The following PAN3 variants were observed in gnomAD, a reference collection of about 807,000 sequenced individuals.
PAN3 encodes PAN2-PAN3 deadenylation complex subunit PAN3.
In PAN3, 19 loss-of-function variants were observed where a neutral mutation model predicts 96.2. That is an observed-to-expected ratio of 0.20 (90% confidence interval 0.14 to 0.29). PAN3 has a LOEUF of 0.29. Among genes scored for constraint, PAN3 ranks in the 10% least tolerant of loss-of-function variants. The probability of loss-of-function intolerance (pLI) is 1.00; values close to 1 mark genes in which losing one functional copy is unlikely to be tolerated. For missense variants in PAN3, 882 were observed against 1,108.1 expected (o/e 0.80, Z 2.90); for synonymous variants, 433 against 406.6 (o/e 1.06, Z -0.78).
intron 5 of PAN3, chr13:28,215,702 T>G: frequency 6.7e-7 from 1 of 1,489,354 alleles, no homozygotes; most frequent in Non-Finnish European, 9.1e-7. Context: ...AGTCTGGTGA[T>G]GCCGCCATTG....
At chr13:28,139,172 C>G in intron 1 of PAN3, 85 bp downstream of exon 1, 1 of 1,228,510 alleles carries the variant, frequency 8.1e-7, no homozygotes, top group South Asian at 3.7e-5. Flanking sequence ...GGGAGCTGAG[C>G]ACGGCCCGCG....
chr13:28,183,641 A>G (rs185584737), intron 4 of PAN3, among the ~76,000 whole-genome samples: 97 of 152,362 alleles, frequency 6.4e-4, no homozygotes, highest in African/African-American at 2.3e-3. Flanking sequence ...TAATTTTTCA[A>G]AGAACAAACA....
At chr13:28,262,937 G>C (rs1885856979) in intron 9 of PAN3, among the ~76,000 whole-genome samples, 1 of 152,174 alleles carries the variant, frequency 6.6e-6, no homozygotes, top group Non-Finnish European at 1.5e-5. Flanking sequence ...CTGTAGATTA[G>C]TAGAGGTTAC....
intron 1 of PAN3, among the ~76,000 whole-genome samples, chr13:28,160,336 A>G (rs1872742818): frequency 6.6e-6 from 1 of 152,246 alleles, no homozygotes; most frequent in South Asian, 2.1e-4. Flanking sequence ...TATGATAGTT[A>G]AAGGGAGTAA....
At chr13:28,168,930 A>C (rs1873928420) in intron 1 of PAN3, among the ~76,000 whole-genome samples, 2 of 151,460 alleles carry the variant, frequency 1.3e-5, no homozygotes, top group South Asian at 4.2e-4. Flanking sequence ...AGGCAGGAGA[A>C]TGGCATGAAC....
intron 6 of PAN3, among the ~76,000 whole-genome samples, chr13:28,253,011 A>T (rs1884862541): frequency 1.3e-5 from 2 of 152,188 alleles, no homozygotes; most frequent in Admixed American, 6.5e-5. Context: ...TGAAACATGA[A>T]ATTTCTAATG....
chr13:28,142,869 C>T (rs1870049726), intron 1 of PAN3, among the ~76,000 whole-genome samples: 1 of 152,152 alleles, frequency 6.6e-6, no homozygotes, highest in Non-Finnish European at 1.5e-5. Context: ...AACTGGATGA[C>T]TTTTATATCT....
chr13:28,142,277 ACTG>A (rs1869958544), intron 1 of PAN3, among the ~76,000 whole-genome samples: 2 of 152,014 alleles, frequency 1.3e-5, no homozygotes, highest in Non-Finnish European at 2.9e-5. Flanking sequence ...CATTTTTTAG[ACTG>A]CTTTCTACCT....
At chr13:28,257,895 C>T (rs1885349859) in intron 7 of PAN3, among the ~76,000 whole-genome samples, 1 of 150,854 alleles carries the variant, frequency 6.6e-6, no homozygotes. Context: ...TCACTGCAGC[C>T]TCCGCCTCCT....
chr13:28,267,381 A>T lies in PAN3; in HGVS notation c.1772A>T (p.Tyr591Phe), dbSNP rs1380447543. The T allele has an allele frequency of 1.9e-6, 3 of 1,613,366 alleles. No homozygotes were observed. In the Admixed American group the frequency reaches 5.0e-5, roughly 27 times the overall value. The change falls in exon 12 of 19, where the codon TAC becomes TTC. Residue 591 changes from tyrosine (Y) to phenylalanine (F), a missense_variant. By Grantham distance (22) the Tyr-to-Phe change is conservative. Transcript: ENST00000380958. ...RHFNDPNADA[Y>F]FTKRKWGQHE... is the part of the protein sequence containing the mutation. Reference sequence around the variant, plus strand: ...TTTAATGACCCTAATGCTGATGCCTACTTCACCAAGAGAAAGTGGGGTAAG... The same window carrying T: ...TTTAATGACCCTAATGCTGATGCCTTCTTCACCAAGAGAAAGTGGGGTAAG...
chr13:28,165,793 T>A (rs1873466310), intron 1 of PAN3, among the ~76,000 whole-genome samples: 1 of 152,138 alleles, frequency 6.6e-6, no homozygotes. Context: ...TGAGGGCTGC[T>A]GTCTATGCTT....
intron 9 of PAN3, among the ~76,000 whole-genome samples, chr13:28,263,410 G>A (rs1157299344): frequency 6.6e-6 from 1 of 152,234 alleles, no homozygotes; most frequent in Non-Finnish European, 1.5e-5. Flanking sequence ...GCAGCTCACT[G>A]CAACCTCCGC....
intron 2 of PAN3, among the ~76,000 whole-genome samples, chr13:28,175,862 A>G (rs1396620199): frequency 6.6e-6 from 1 of 152,178 alleles, no homozygotes; most frequent in African/African-American, 2.4e-5. Flanking sequence ...GACATTAAAT[A>G]AGAAGTTGAG....
intron 1 of PAN3, among the ~76,000 whole-genome samples, chr13:28,154,121 T>C (rs953649240): frequency 2.0e-5 from 3 of 152,220 alleles, no homozygotes; most frequent in East Asian, 3.8e-4. Flanking sequence ...ACCCAATTTA[T>C]TTAGTTGTTG....
intron 6 of PAN3, among the ~76,000 whole-genome samples, chr13:28,244,909 C>T (rs1353481836): frequency 4.6e-5 from 7 of 152,008 alleles, no homozygotes; most frequent in South Asian, 2.1e-4. Flanking sequence ...AGTGCAGTGG[C>T]GCGATCTTGG....
chr13:28,191,257 C>CT (rs1185730130), intron 4 of PAN3, among the ~76,000 whole-genome samples: 6 of 152,178 alleles, frequency 3.9e-5, no homozygotes, highest in African/African-American at 1.4e-4. Flanking sequence ...TTAGCACCTG[C>CT]TTCCAGTTAA....
chr13:28,232,475 G>A (rs1468912107), intron 6 of PAN3: 6 of 150,214 alleles, frequency 4.0e-5, no homozygotes, highest in South Asian at 4.2e-4. Context: ...TAGCTTCAAC[G>A]TAAAAAAAAA....
chr13:28,239,433 A>AG (rs1315906366), intron 6 of PAN3: 1 of 348,612 alleles, frequency 2.9e-6, no homozygotes, highest in African/African-American at 2.2e-5. Context: ...CATGACATAT[A>AG]GATGCCTTTG....
At chr13:28,221,802 C>A (rs566817178) in intron 6 of PAN3, among the ~76,000 whole-genome samples, 65 of 152,248 alleles carry the variant, frequency 4.3e-4, no homozygotes, top group African/African-American at 1.5e-3. Flanking sequence ...CTCTGGTAGC[C>A]TTAAAGTTTT....
Sources: allele counts gnomAD v4.1 joint callset (sites outside exome capture counted in the v4.1 genomes callset), GRCh38; gene constraint gnomAD v4.1.1; transcripts MANE v1.5; gene names NCBI Gene and HGNC (gene_info 2026-07-23, HGNC 2026-07-21).